The following THSD4 variants were observed in gnomAD, a reference collection of about 807,000 sequenced individuals.
THSD4 encodes the protein thrombospondin type-1 domain-containing protein 4.
In THSD4, 69 loss-of-function variants were observed where a neutral mutation model predicts 119.0. That is an observed-to-expected ratio of 0.58 (90% confidence interval 0.48 to 0.71). The LOEUF is 0.71. Ranked by LOEUF, THSD4 falls within the 30% of genes least tolerant of loss-of-function variation. The pLI, the probability that THSD4 is intolerant of heterozygous loss-of-function variation, is 0.00. For missense variants in THSD4, 1,393 were observed against 1,391.1 expected, an observed-to-expected ratio of 1.00 and a Z score of -0.02; for synonymous variants, 524 against 540.4, an observed-to-expected ratio of 0.97 and a Z score of 0.42.
At chr15:71,266,853 A>G (rs962445677) in intron 6 of THSD4, among the ~76,000 whole-genome samples, 2 of 151,948 alleles carry the variant, frequency 1.3e-5, no homozygotes, top group African/African-American at 4.8e-5. Flanking sequence ...AGCAGAAGAA[A>G]GGATGTCAGA....
chr15:71,154,974 G>A (rs2040762361), intron 3 of THSD4, 42 bp downstream of exon 3: 5 of 1,599,400 alleles, frequency 3.1e-6, no homozygotes, highest in Non-Finnish European at 4.3e-6. Context: ...CTGCCCAAGG[G>A]GCTAGGGCCA....
intron 6 of THSD4, among the ~76,000 whole-genome samples, chr15:71,406,712 C>T (rs534256987): frequency 1.7e-4 from 25 of 149,878 alleles, no homozygotes; most frequent in Non-Finnish European, 2.7e-4. Flanking sequence ...TGGAGTCTTG[C>T]TCTGTCACCC....
intron 1 of THSD4, among the ~76,000 whole-genome samples, chr15:71,103,682 T>G (rs2040262578): frequency 6.6e-6 from 1 of 152,014 alleles, no homozygotes; most frequent in Non-Finnish European, 1.5e-5. Flanking sequence ...TCTTGGAATC[T>G]TAGATGACTG....
chr15:71,169,661 C>A (rs1478724953), intron 3 of THSD4, among the ~76,000 whole-genome samples: 1 of 152,180 alleles, frequency 6.6e-6, no homozygotes, highest in Non-Finnish European at 1.5e-5. Flanking sequence ...TCACTTGAAA[C>A]AACCAAAAAT....
At chr15:71,618,795 C>T (rs1402005169) in intron 7 of THSD4, among the ~76,000 whole-genome samples, 1 of 151,904 alleles carries the variant, frequency 6.6e-6, no homozygotes, top group Non-Finnish European at 1.5e-5. Flanking sequence ...CCAGGCTGGT[C>T]TTGAACTCCT....
intron 8 of THSD4, among the ~76,000 whole-genome samples, chr15:71,702,223 A>G (rs1422457495): frequency 4.6e-5 from 7 of 152,306 alleles, no homozygotes; most frequent in South Asian, 4.2e-4. Flanking sequence ...GCAGCCTGGA[A>G]TGTTGTAACG....
At position 71,660,581 on chromosome 15, in the gene THSD4, G is replaced by A. The variant is rs1325554017; in HGVS notation, c.1204G>A (p.Gly402Arg). ...LGSDKVVDKC[G>R]VCGGDNTGCQ... is the part of the protein sequence containing the mutation. ...CTCCGACAAAGTCGTGGACAAATGTGGGGTGTGTGGAGGAGACAACACGGG... is the reference window on the plus strand; with the variant it reads ...CTCCGACAAAGTCGTGGACAAATGTAGGGTGTGTGGAGGAGACAACACGGG... The change falls in exon 8 of 18, where the codon GGG becomes AGG. Residue 402 changes from glycine to arginine, a missense_variant. Coordinates refer to ENST00000261862, the MANE Select transcript of THSD4 (RefSeq NM_024817.3). 19 of 1,614,044 alleles carry A rather than the reference G, an allele frequency of 1.2e-5. No individual in the cohort carries two copies. The highest frequency in any genetic ancestry group is 1.6e-5 in the Non-Finnish European group (19 of 1,180,026).
intron 3 of THSD4, among the ~76,000 whole-genome samples, chr15:71,172,403 T>C (rs372817950): frequency 6.6e-6 from 1 of 151,920 alleles, no homozygotes; most frequent in African/African-American, 2.4e-5. Context: ...ATTGTTAAGA[T>C]AACCATTCTC....
chr15:71,348,093 T>A (rs1342215740), intron 6 of THSD4: 1 of 152,204 alleles, frequency 6.6e-6, no homozygotes, highest in East Asian at 1.9e-4. Flanking sequence ...GTTGCGATAA[T>A]ATAAAATGAG....
At chr15:71,150,233 C>T (rs1447569192) in intron 2 of THSD4, among the ~76,000 whole-genome samples, 1 of 152,192 alleles carries the variant, frequency 6.6e-6, no homozygotes, top group East Asian at 1.9e-4. Context: ...CATGCTCTCT[C>T]ATTCTCCAAA....
In THSD4 at chr15:71,287,161, A is replaced by G. The variant is rs144231524; in HGVS notation, c.1015+30446A>G. ...ATACTAAACAGTGTGACTGCCTGGA[A>G]GATATGCCCGACAAAATGAAATACT... is the stretch of plus-strand genomic sequence containing the variant. On this transcript the variant is annotated intron_variant, in intron 6 of 17. Transcript: ENST00000261862. Among the ~76,000 whole-genome samples the G allele has an allele frequency of 1.4e-3, 217 of 152,344 alleles. 1 individual carries two copies. The highest frequency in any genetic ancestry group is 4.9e-3 in the African/African-American group (205 of 41,584).
At chr15:71,406,484 G>A (rs2046607351) in intron 6 of THSD4, among the ~76,000 whole-genome samples, 2 of 152,140 alleles carry the variant, frequency 1.3e-5, no homozygotes, top group African/African-American at 4.8e-5. Flanking sequence ...TTGATCTGCT[G>A]TAGATATCTA....
chr15:71,540,782 G>A (rs1244044642), intron 7 of THSD4, among the ~76,000 whole-genome samples: 2 of 140,218 alleles, frequency 1.4e-5, no homozygotes, highest in South Asian at 2.3e-4. Flanking sequence ...GAGTGCAGTG[G>A]CAGGATCTTG....
intron 7 of THSD4, among the ~76,000 whole-genome samples, chr15:71,447,562 CA>C (rs2047202947): frequency 1.3e-5 from 2 of 152,154 alleles, no homozygotes; most frequent in Non-Finnish European, 2.9e-5. Context: ...TTTATCCTAC[CA>C]GACCACAAGT....
At chr15:71,401,655 G>A (rs1289782587) in intron 6 of THSD4, among the ~76,000 whole-genome samples, 1 of 152,202 alleles carries the variant, frequency 6.6e-6, no homozygotes, top group Non-Finnish European at 1.5e-5. Flanking sequence ...CTGTTGGTGG[G>A]AGTGTAAACT....
intron 1 of THSD4, chr15:71,097,136 A>G (rs1445273926): frequency 6.6e-6 from 1 of 152,272 alleles, no homozygotes; most frequent in Non-Finnish European, 1.5e-5. Flanking sequence ...ACTGGATCAA[A>G]TCAGCTCTGA....
At chr15:71,536,898 T>G (rs144879034) in intron 7 of THSD4, among the ~76,000 whole-genome samples, 5 of 152,308 alleles carry the variant, frequency 3.3e-5, no homozygotes, top group Admixed American at 6.5e-5. Context: ...ATTCTTCCCT[T>G]ATTGATGTAG....
chr15:71,116,572 T>C (rs1297308282), intron 1 of THSD4, among the ~76,000 whole-genome samples: 2 of 152,200 alleles, frequency 1.3e-5, no homozygotes, highest in Non-Finnish European at 2.9e-5. Context: ...CCTGTCTCCT[T>C]TGCGATCTCT....
intron 5 of THSD4, among the ~76,000 whole-genome samples, chr15:71,254,213 C>T (rs760413860): frequency 2.4e-4 from 36 of 152,318 alleles, no homozygotes; most frequent in Admixed American, 4.6e-4. Flanking sequence ...AGACCTGCGG[C>T]CCGGCAGCCG....
Sources: allele counts gnomAD v4.1 joint callset (sites outside exome capture counted in the v4.1 genomes callset), GRCh38; gene constraint gnomAD v4.1.1; transcripts MANE v1.5; gene names NCBI Gene and HGNC (gene_info 2026-07-23, HGNC 2026-07-21).